MYRIP: variants seen among roughly 807,000 people sequenced by gnomAD.
MYRIP encodes myosin VIIA and Rab interacting protein, also known as rab effector MyRIP.
A neutral mutation model predicts 98.0 loss-of-function variants in MYRIP; 49 were observed. The ratio of observed to expected loss-of-function variants is 0.50; its 90% CI spans 0.40 to 0.63. The LOEUF is 0.63. MYRIP is among the 30% of genes least tolerant of loss of function. The pLI is 0.00. For synonymous variants in MYRIP, 404 were observed against 409.5 expected (o/e 0.99, Z 0.16); for missense variants, 1,004 against 1,058.2 (o/e 0.95, Z 0.71).
intron 1 of MYRIP, among the ~76,000 whole-genome samples, chr3:39,853,214 C>T (rs956756951): frequency 4.6e-5 from 7 of 152,208 alleles, no homozygotes; most frequent in Non-Finnish European, 1.0e-4. Flanking sequence ...CTGCTATAAA[C>T]ATGCATATCA....
At chr3:39,811,884 A>G (rs759142557) in intron 1 of MYRIP, among the ~76,000 whole-genome samples, 67 of 152,060 alleles carry the variant, frequency 4.4e-4, no homozygotes, top group Admixed American at 8.5e-4. Context: ...GGTAGCATAG[A>G]TTATGTTCTA....
intron 1 of MYRIP, among the ~76,000 whole-genome samples, chr3:39,880,041 A>G (rs1559507254): frequency 6.6e-6 from 1 of 151,816 alleles, no homozygotes; most frequent in East Asian, 1.9e-4. Context: ...TCCCCTTTTT[A>G]TTATTATTAT....
At chr3:39,869,738 G>A (rs547575002) in intron 1 of MYRIP, among the ~76,000 whole-genome samples, 11 of 152,106 alleles carry the variant, frequency 7.2e-5, no homozygotes, top group African/African-American at 2.7e-4. Flanking sequence ...ACTTACTGCC[G>A]TCTCCGATAA....
At chr3:40,241,201 A>C (rs1953002454) in intron 12 of MYRIP, among the ~76,000 whole-genome samples, 1 of 152,150 alleles carries the variant, frequency 6.6e-6, no homozygotes, top group African/African-American at 2.4e-5. Flanking sequence ...GAGCAAACCC[A>C]ACTTCCCTTT....
intron 2 of MYRIP, among the ~76,000 whole-genome samples, chr3:39,984,043 C>A (rs1249684219): frequency 6.6e-6 from 1 of 152,040 alleles, no homozygotes; most frequent in Non-Finnish European, 1.5e-5. Flanking sequence ...TATATTGGTG[C>A]AGCAGATGAC....
intron 3 of MYRIP, among the ~76,000 whole-genome samples, chr3:40,142,615 A>G (rs1043350792): frequency 2.0e-5 from 3 of 151,884 alleles, no homozygotes; most frequent in Admixed American, 6.6e-5. Flanking sequence ...GGCATGTGCC[A>G]CTGTGCCTGA....
intron 13 of MYRIP, among the ~76,000 whole-genome samples, chr3:40,247,988 C>T (rs563241737): frequency 3.3e-5 from 5 of 152,364 alleles, no homozygotes; most frequent in African/African-American, 1.2e-4. Context: ...GCCAGGCATG[C>T]GGAAATTCTC....
chr3:40,117,700 C>A (rs891478813), intron 3 of MYRIP, among the ~76,000 whole-genome samples: 1 of 152,282 alleles, frequency 6.6e-6, no homozygotes, highest in African/African-American at 2.4e-5. Context: ...ATAAAGGCAG[C>A]TTTATAGCCA....
chr3:39,864,164 C>T (rs996677533), intron 1 of MYRIP, among the ~76,000 whole-genome samples: 2 of 152,038 alleles, frequency 1.3e-5, no homozygotes, highest in Admixed American at 1.3e-4. Context: ...ATAGTAAGAG[C>T]CATCTGTGAC....
At chr3:40,193,686 TGTGA>T (rs1347908341) in intron 10 of MYRIP, among the ~76,000 whole-genome samples, 1 of 152,172 alleles carries the variant, frequency 6.6e-6, no homozygotes, top group Non-Finnish European at 1.5e-5. Flanking sequence ...CATAACAGTG[TGTGA>T]GTATGTTCTC....
intron 4 of MYRIP, among the ~76,000 whole-genome samples, chr3:40,160,469 G>C (rs1950359436): frequency 6.6e-6 from 1 of 152,244 alleles, no homozygotes; most frequent in Non-Finnish European, 1.5e-5. Context: ...CCTGCCCCCA[G>C]AGGTGGAGCC....
At chr3:39,873,292 T>A (rs1260754352) in intron 1 of MYRIP, among the ~76,000 whole-genome samples, 7 of 152,318 alleles carry the variant, frequency 4.6e-5, no homozygotes, top group South Asian at 2.1e-4. Flanking sequence ...GTAGGTTGCC[T>A]GTTCACTCTG....
chr3:39,956,238 C>G (rs1249318426), intron 2 of MYRIP, among the ~76,000 whole-genome samples: 1 of 152,184 alleles, frequency 6.6e-6, no homozygotes, highest in African/African-American at 2.4e-5. Context: ...CTTCTCAGAA[C>G]CACATTGCAC....
intron 1 of MYRIP, among the ~76,000 whole-genome samples, chr3:39,866,613 A>T (rs545731161): frequency 6.6e-6 from 1 of 152,210 alleles, no homozygotes; most frequent in African/African-American, 2.4e-5. Context: ...AAATCCTAGA[A>T]ATAAATTTGC....
intron 1 of MYRIP, among the ~76,000 whole-genome samples, chr3:39,894,064 C>T (rs1233026287): frequency 6.6e-6 from 1 of 152,116 alleles, no homozygotes; most frequent in Non-Finnish European, 1.5e-5. Context: ...AATTTTATCA[C>T]TCAAAGATAA....
chr3:39,889,825 C>A (rs72868147), intron 1 of MYRIP, among the ~76,000 whole-genome samples: 2,062 of 152,154 alleles, frequency 0.014, 64 homozygotes, highest in African/African-American at 0.046. Flanking sequence ...GCATTTCCTA[C>A]TCTGAAATTA....
intron 3 of MYRIP, among the ~76,000 whole-genome samples, chr3:40,132,283 A>G (rs1175963186): frequency 1.3e-5 from 2 of 152,174 alleles, no homozygotes; most frequent in Non-Finnish European, 2.9e-5. Context: ...TACAGAAGAG[A>G]GGTTTACTCT....
At chr3:40,240,573 C>G (rs573426586) in intron 12 of MYRIP, among the ~76,000 whole-genome samples, 4 of 152,150 alleles carry the variant, frequency 2.6e-5, no homozygotes, top group Admixed American at 2.6e-4. Context: ...CCGAATACTG[C>G]GCTTTTCCGA....
At chr3:39,960,425 A>G (rs1236247387) in intron 2 of MYRIP, among the ~76,000 whole-genome samples, 1 of 152,190 alleles carries the variant, frequency 6.6e-6, no homozygotes, top group Admixed American at 6.6e-5. Flanking sequence ...GTTTAATAAT[A>G]GCATGCAGTA....
Sources: allele counts gnomAD v4.1 joint callset (sites outside exome capture counted in the v4.1 genomes callset), GRCh38; gene constraint gnomAD v4.1.1; transcripts MANE v1.5; gene names NCBI Gene and HGNC (gene_info 2026-07-23, HGNC 2026-07-21).